The following COG5 variants were observed in gnomAD, a reference collection of about 807,000 sequenced individuals.
COG5 encodes the protein component of oligomeric golgi complex 5.
A neutral mutation model predicts 110.4 loss-of-function variants in COG5; 86 were observed. The observed-to-expected ratio is 0.78, with a 90% CI of 0.65 to 0.93. The LOEUF (loss-of-function observed/expected upper bound fraction) is 0.93, where lower values mean the gene tolerates loss of function less well. Among genes scored for constraint, COG5 ranks in the 40% least tolerant of loss-of-function variants. The pLI, the probability that COG5 is intolerant of heterozygous loss-of-function variation, is 0.00. For missense variants in COG5, 1,077 were observed against 987.0 expected, an observed-to-expected ratio of 1.09 and a Z score of -1.22; for synonymous variants, 360 against 334.6, an observed-to-expected ratio of 1.08 and a Z score of -0.83.
rs147714510 is a variant in COG5, at chr7:107,542,925, T to A, written c.417+5186A>T. On this transcript the variant is annotated intron_variant, in intron 5 of 21. Transcript: ENST00000297135. Reference sequence around the variant, plus strand: ...AGGCGGAGGCTGCAGTGAGCCAAGATCGCTCCATTGCATTCCAGCCTAGGC... The same window carrying A: ...AGGCGGAGGCTGCAGTGAGCCAAGAACGCTCCATTGCATTCCAGCCTAGGC... Among the ~76,000 whole-genome samples, 649 of 149,246 alleles carry A rather than the reference T, an allele frequency of 4.3e-3. 3 individuals are homozygous for A. Among genetic ancestry groups the A allele is most frequent in the Middle Eastern group, 0.021 (6 of 288 alleles).
chr7:107,408,653 GT>G (rs1171000311), intron 7 of COG5, among the ~76,000 whole-genome samples: 1 of 152,208 alleles, frequency 6.6e-6, no homozygotes, highest in Non-Finnish European at 1.5e-5. Context: ...GTCATAGAGT[GT>G]TTGGATTTCT....
chr7:107,417,887 CTGTT>C (rs1320817768), intron 6 of COG5, among the ~76,000 whole-genome samples: 3 of 152,122 alleles, frequency 2.0e-5, no homozygotes, highest in Admixed American at 6.5e-5. Context: ...ATAATATTCA[CTGTT>C]TGCCTATCAT....
At chr7:107,528,116 G>A (rs1800905224) in intron 5 of COG5, among the ~76,000 whole-genome samples, 1 of 149,830 alleles carries the variant, frequency 6.7e-6, no homozygotes, top group African/African-American at 2.5e-5. Context: ...TTTGAGAACA[G>A]GGTCTCGCTC....
intron 1 of COG5, among the ~76,000 whole-genome samples, chr7:107,558,364 G>A (rs571476199): frequency 1.1e-4 from 16 of 152,218 alleles, no homozygotes; most frequent in African/African-American, 2.2e-4. Context: ...TTGGGAGGCC[G>A]AGGTGGGTGG....
At chr7:107,496,656 TC>T (rs1420050533) in intron 6 of COG5, among the ~76,000 whole-genome samples, 2 of 120,174 alleles carry the variant, frequency 1.7e-5, no homozygotes, top group Admixed American at 9.2e-5. Context: ...AGACTCTGTC[TC>T]AAAAAAAAAA....
chr7:107,474,386 G>C lies in COG5; in HGVS notation c.538+52851C>G. 1 of 1,612,724 alleles carries C rather than the reference G, an allele frequency of 6.2e-7. No homozygotes were observed. The highest frequency in any genetic ancestry group is 8.5e-7 in the Non-Finnish European group (1 of 1,178,958). Reference sequence around the variant, plus strand: ...GTTATCCTTCTGCTTTCACTGGAGAGTAACACTGCTCTCATTTGCTGTTTC... The same window carrying C: ...GTTATCCTTCTGCTTTCACTGGAGACTAACACTGCTCTCATTTGCTGTTTC... On this transcript the variant is annotated intron_variant, in intron 6 of 21. Transcript: ENST00000297135. The surrounding 1 kb of genome is among the most constrained non-coding windows in gnomAD (Gnocchi z 5.7).
At position 107,372,780 on chromosome 7, in the gene COG5, G is replaced by C. The variant is rs761111529; in HGVS notation, c.670-20C>G. On this transcript the variant is annotated intron_variant, in intron 7 of 21. Coordinates refer to ENST00000297135, the MANE Select transcript of COG5 (RefSeq NM_006348.5). ...TGGATTCTTAAAAAAAGGTGGGGTGGGGTGGAAACAGATATAAATAGGAAA... is the reference window on the plus strand; with the variant it reads ...TGGATTCTTAAAAAAAGGTGGGGTGCGGTGGAAACAGATATAAATAGGAAA... 6.8e-6 allele frequency: 11 copies of C among 1,612,352 alleles called. No individual in the cohort carries two copies. The highest frequency in any genetic ancestry group is 1.7e-5 in the Admixed American group (1 of 59,914).
chr7:107,371,403 A>C (rs1028732386), intron 8 of COG5, among the ~76,000 whole-genome samples: 6 of 152,198 alleles, frequency 3.9e-5, no homozygotes, highest in African/African-American at 9.6e-5. Context: ...CAACTGGGGC[A>C]ACATAGCAAA....
chr7:107,541,028 G>A (rs963055745), intron 5 of COG5, among the ~76,000 whole-genome samples: 2 of 151,966 alleles, frequency 1.3e-5, no homozygotes, highest in Admixed American at 1.3e-4. Flanking sequence ...GCACATGCCT[G>A]TAATCCCAGC....
chr7:107,223,055 A>G (rs1165047920), intron 19 of COG5, among the ~76,000 whole-genome samples: 1 of 152,218 alleles, frequency 6.6e-6, no homozygotes, highest in African/African-American at 2.4e-5. Flanking sequence ...ATCCTGAGAC[A>G]GATATAGGCA....
intron 17 of COG5, among the ~76,000 whole-genome samples, chr7:107,244,645 C>T (rs944921833): frequency 2.9e-4 from 44 of 151,408 alleles, no homozygotes; most frequent in African/African-American, 9.9e-4. Flanking sequence ...TACTACTGAC[C>T]CCATAGGAAA....
intron 7 of COG5, among the ~76,000 whole-genome samples, chr7:107,402,616 T>C (rs893182796): frequency 1.1e-4 from 16 of 152,070 alleles, no homozygotes; most frequent in South Asian, 2.1e-4. Context: ...AAAAAATAAA[T>C]AAACAAATAA....
intron 1 of COG5, among the ~76,000 whole-genome samples, chr7:107,560,050 G>C (rs1347161980): frequency 1.3e-5 from 2 of 152,226 alleles, no homozygotes; most frequent in African/African-American, 4.8e-5. Context: ...TATAGAGGAT[G>C]ATGGAAAAAG....
intron 8 of COG5, among the ~76,000 whole-genome samples, chr7:107,362,750 T>G (rs2129046421): frequency 6.6e-6 from 1 of 152,056 alleles, no homozygotes; most frequent in Admixed American, 6.5e-5. Flanking sequence ...GAAACCATCT[T>G]CACTAATTTC....
At chr7:107,484,935 C>A (rs1345855827) in intron 6 of COG5, among the ~76,000 whole-genome samples, 8 of 151,974 alleles carry the variant, frequency 5.3e-5, no homozygotes, top group African/African-American at 1.9e-4. Context: ...GTACCTCCAA[C>A]TGAAAAGAAG....
At chr7:107,560,375 T>C (rs780438929) in intron 1 of COG5, among the ~76,000 whole-genome samples, 9 of 152,162 alleles carry the variant, frequency 5.9e-5, no homozygotes, top group Non-Finnish European at 1.0e-4. Flanking sequence ...AATGTCAAAG[T>C]GACAAATTTG....
chr7:107,238,580 T>C, intron 17 of COG5, among the ~76,000 whole-genome samples: 1 of 152,188 alleles, frequency 6.6e-6, no homozygotes, highest in Non-Finnish European at 1.5e-5. Context: ...GTCCTTACAG[T>C]TTTCCATAAT....
intron 5 of COG5, among the ~76,000 whole-genome samples, chr7:107,537,745 A>AG (rs1801693846): frequency 6.6e-6 from 1 of 151,928 alleles, no homozygotes; most frequent in African/African-American, 2.4e-5. Flanking sequence ...ATTTAAAAAA[A>AG]AAAGAAAGAA....
At chr7:107,227,667 C>T (rs531413202) in intron 19 of COG5, among the ~76,000 whole-genome samples, 66 of 150,736 alleles carry the variant, frequency 4.4e-4, no homozygotes, top group African/African-American at 1.5e-3. Context: ...GTCATCCTGC[C>T]TCAGCAAACA....
Sources: gnomAD v4.1 joint callset for allele counts (sites outside exome capture counted in the v4.1 genomes callset) on GRCh38, gnomAD v4.1.1 for gene constraint, Gnocchi (gnomAD v3.1) non-coding constraint, MANE v1.5 for transcripts, NCBI Gene and HGNC (gene_info 2026-07-23, HGNC 2026-07-21) for gene names.